Variants in LUZP2 observed in about 807,000 individuals in gnomAD.
LUZP2 encodes leucine zipper protein 2.
Under a neutral mutation model 51.6 loss-of-function variants are expected in LUZP2, and 52 were observed. The observed-to-expected ratio is 1.01, with a 90% CI of 0.81 to 1.27. The LOEUF (loss-of-function observed/expected upper bound fraction) is 1.27, where lower values mean the gene tolerates loss of function less well. Among genes scored for constraint, LUZP2 ranks in the 50% most tolerant of loss-of-function variants. LUZP2 has a pLI of 0.00. For missense variants in LUZP2, 436 were observed against 395.4 expected, an observed-to-expected ratio of 1.10 and a Z score of -0.87; for synonymous variants, 154 against 137.3, an observed-to-expected ratio of 1.12 and a Z score of -0.85.
chr11:24,764,419 G>T (rs996532357), intron 5 of LUZP2, among the ~76,000 whole-genome samples: 1 of 150,726 alleles, frequency 6.6e-6, no homozygotes, highest in Non-Finnish European at 1.5e-5. Flanking sequence ...ACTTAGGGAG[G>T]CTGAGGTGGG....
At chr11:24,530,917 T>A (rs1293311550) in intron 1 of LUZP2, among the ~76,000 whole-genome samples, 1 of 150,022 alleles carries the variant, frequency 6.7e-6, no homozygotes, top group Non-Finnish European at 1.5e-5. Flanking sequence ...TTTTTCTTAG[T>A]TGAATTAATC....
intron 1 of LUZP2, among the ~76,000 whole-genome samples, chr11:24,725,709 A>C (rs1391195235): frequency 2.0e-5 from 3 of 152,154 alleles, no homozygotes; most frequent in Non-Finnish European, 4.4e-5. Flanking sequence ...GGTAAATGTA[A>C]TAGGTTGGAA....
chr11:25,051,705 A>G (rs114186589), intron 10 of LUZP2, among the ~76,000 whole-genome samples: 137 of 152,312 alleles, frequency 9.0e-4, no homozygotes, highest in African/African-American at 3.1e-3. Context: ...TCAGGTTTTC[A>G]AATGTTTGTA....
At chr11:24,660,720 C>T (rs925646769) in intron 1 of LUZP2, among the ~76,000 whole-genome samples, 2 of 152,090 alleles carry the variant, frequency 1.3e-5, no homozygotes, top group Non-Finnish European at 2.9e-5. Flanking sequence ...TTCGATTAAG[C>T]AGAGTTACCT....
At chr11:24,670,415 A>T (rs977583256) in intron 1 of LUZP2, among the ~76,000 whole-genome samples, 1 of 152,110 alleles carries the variant, frequency 6.6e-6, no homozygotes, top group Non-Finnish European at 1.5e-5. Flanking sequence ...ATAGTTAAAT[A>T]TTAAAGATTA....
intron 1 of LUZP2, among the ~76,000 whole-genome samples, chr11:24,594,834 A>T (rs1007741229): frequency 7.7e-6 from 1 of 130,600 alleles, no homozygotes. Flanking sequence ...ATCTTGGCTC[A>T]CTGCAACCTC....
At chr11:24,511,640 G>T (rs771027898) in intron 1 of LUZP2, among the ~76,000 whole-genome samples, 16 of 152,108 alleles carry the variant, frequency 1.1e-4, no homozygotes, top group Non-Finnish European at 1.9e-4. Flanking sequence ...AACTTAGGGC[G>T]TGCTATCTGA....
intron 9 of LUZP2, among the ~76,000 whole-genome samples, chr11:25,030,468 A>T (rs2896719): frequency 1 from 151,907 of 152,218 alleles, 75,798 homozygotes; most frequent in Middle Eastern, 1. Context: ...TCAAAGGCCA[A>T]GTGTCTATCA....
At chr11:25,038,145 G>A (rs1407739258) in intron 9 of LUZP2, among the ~76,000 whole-genome samples, 1 of 152,000 alleles carries the variant, frequency 6.6e-6, no homozygotes, top group African/African-American at 2.4e-5. Context: ...GAATGCCAAT[G>A]AGTCATAGAT....
chr11:24,733,182 A>G (rs1760219039), intron 3 of LUZP2, among the ~76,000 whole-genome samples: 1 of 151,696 alleles, frequency 6.6e-6, no homozygotes, highest in South Asian at 2.1e-4. Context: ...TATAAAATCA[A>G]TTGTTTTACA....
chr11:24,837,991 T>C (rs1482119397), intron 5 of LUZP2, among the ~76,000 whole-genome samples: 2 of 151,710 alleles, frequency 1.3e-5, no homozygotes, highest in Admixed American at 1.3e-4. Flanking sequence ...GTAATGTGTA[T>C]TAAACATGTA....
At chr11:24,567,842 G>A (rs1194531739) in intron 1 of LUZP2, among the ~76,000 whole-genome samples, 2 of 152,100 alleles carry the variant, frequency 1.3e-5, no homozygotes, top group Non-Finnish European at 2.9e-5. Flanking sequence ...CCTAAAGGAA[G>A]TTCCTCAGCA....
At chr11:24,957,878 A>G (rs1470124030) in intron 7 of LUZP2, among the ~76,000 whole-genome samples, 2 of 152,108 alleles carry the variant, frequency 1.3e-5, no homozygotes, top group Non-Finnish European at 2.9e-5. Context: ...AGCATTACGT[A>G]TATCTCCCAA....
intron 8 of LUZP2, among the ~76,000 whole-genome samples, chr11:24,979,439 C>T (rs932909133): frequency 2.0e-5 from 3 of 151,778 alleles, no homozygotes; most frequent in Non-Finnish European, 2.9e-5. Flanking sequence ...TCTCCATCAT[C>T]TTTATATGAG....
intron 1 of LUZP2, among the ~76,000 whole-genome samples, chr11:24,647,378 A>G (rs556042336): frequency 3.3e-5 from 5 of 151,998 alleles, no homozygotes; most frequent in Non-Finnish European, 7.4e-5. Flanking sequence ...AATAAATAAC[A>G]ACAAAAACAA....
intron 1 of LUZP2, among the ~76,000 whole-genome samples, chr11:24,620,235 A>G (rs1452225478): frequency 6.6e-6 from 1 of 151,142 alleles, no homozygotes; most frequent in Non-Finnish European, 1.5e-5. Context: ...CTGTTAGGGA[A>G]TAATATTTTA....
At chr11:24,820,005 T>C (rs1173437316) in intron 5 of LUZP2, among the ~76,000 whole-genome samples, 2 of 152,130 alleles carry the variant, frequency 1.3e-5, no homozygotes, top group African/African-American at 4.8e-5. Context: ...TCATGGCAGT[T>C]GAGAGTGACA....
At chr11:24,928,217 T>C (rs1466492187) in intron 7 of LUZP2, among the ~76,000 whole-genome samples, 1 of 152,082 alleles carries the variant, frequency 6.6e-6, no homozygotes, top group African/African-American at 2.4e-5. Context: ...CCAATTTGGA[T>C]GCCCTTTATT....
intron 9 of LUZP2, among the ~76,000 whole-genome samples, chr11:25,002,001 C>G (rs1189599950): frequency 6.6e-6 from 1 of 152,182 alleles, no homozygotes; most frequent in Non-Finnish European, 1.5e-5. Context: ...TGCAATAACT[C>G]CATGATTTCC....
Sources: gnomAD v4.1 joint callset for allele counts (sites outside exome capture counted in the v4.1 genomes callset) on GRCh38, gnomAD v4.1.1 for gene constraint, MANE v1.5 for transcripts, NCBI Gene and HGNC (gene_info 2026-07-23, HGNC 2026-07-21) for gene names.